The following KLHL1 variants were observed in gnomAD, a reference collection of about 807,000 sequenced individuals.
KLHL1 encodes the protein kelch like family member 1.
KLHL1 carries 47 observed loss-of-function variants against 77.7 expected under a neutral mutation model. The observed-to-expected ratio is 0.60, with a 90% CI of 0.48 to 0.77. The LOEUF (loss-of-function observed/expected upper bound fraction) is 0.77. KLHL1 is among the 30% of genes least tolerant of loss of function. The pLI, the probability that KLHL1 is intolerant of heterozygous loss-of-function variation, is 0.00. For synonymous variants in KLHL1, 360 were observed against 325.2 expected (o/e 1.11, Z -1.15); for missense variants, 925 against 910.8 (o/e 1.02, Z -0.20).
intron 5 of KLHL1, among the ~76,000 whole-genome samples, chr13:69,850,699 A>G (rs779087892): frequency 1.8e-4 from 28 of 151,668 alleles, no homozygotes; most frequent in Non-Finnish European, 4.0e-4. Context: ...GCGTCCTAAA[A>G]CATACACATT....
intron 1 of KLHL1, among the ~76,000 whole-genome samples, chr13:69,988,130 A>T (rs1450625267): frequency 6.6e-6 from 1 of 151,784 alleles, no homozygotes; most frequent in Non-Finnish European, 1.5e-5. Context: ...TACACCCTCA[A>T]GTTGGCCCCA....
chr13:69,742,297 ACTAT>A (rs1373849484), intron 7 of KLHL1, among the ~76,000 whole-genome samples: 1 of 152,190 alleles, frequency 6.6e-6, no homozygotes, highest in Admixed American at 6.6e-5. Context: ...GGAGACAAGA[ACTAT>A]CTCTCTGTTC....
chr13:70,019,643 T>A lies in KLHL1; in HGVS notation c.498-43841A>T, dbSNP rs188759037. Among the ~76,000 whole-genome samples the A allele has an allele frequency of 9.8e-4, 150 of 152,320 alleles. 1 individual carries two copies. Among genetic ancestry groups the A allele is most frequent in the African/African-American group, 3.5e-3 (147 of 41,580 alleles). ...ATTACTACCTCTATTTTACAAATGA[T>A]GAAATTGAGCAAAAGAAAGGTAAAT... On this transcript the variant is annotated intron_variant, in intron 1 of 10. Transcript: ENST00000377844.
intron 7 of KLHL1, among the ~76,000 whole-genome samples, chr13:69,787,215 C>T (rs1323139573): frequency 1.3e-5 from 2 of 151,984 alleles, no homozygotes; most frequent in African/African-American, 2.4e-5. Context: ...AATCCTAAGC[C>T]AAAAGAACAA....
intron 4 of KLHL1, among the ~76,000 whole-genome samples, chr13:69,902,905 T>TA (rs1881918704): frequency 6.6e-6 from 1 of 151,056 alleles, no homozygotes; most frequent in Non-Finnish European, 1.5e-5. Context: ...TAAAGTATAA[T>TA]AAAAAATAAA....
chr13:69,770,077 G>T (rs1001857302), intron 7 of KLHL1, among the ~76,000 whole-genome samples: 1 of 152,122 alleles, frequency 6.6e-6, no homozygotes, highest in Admixed American at 6.5e-5. Context: ...CAAACTTCTT[G>T]GGGGCTTAGA....
chr13:69,853,725 A>G (rs1566327581), intron 5 of KLHL1, among the ~76,000 whole-genome samples: 1 of 152,038 alleles, frequency 6.6e-6, no homozygotes, highest in Admixed American at 6.6e-5. Flanking sequence ...TGCCAGATAC[A>G]ATGTAACTCT....
At chr13:69,874,770 A>C (rs1219674351) in intron 5 of KLHL1, among the ~76,000 whole-genome samples, 1 of 152,084 alleles carries the variant, frequency 6.6e-6, no homozygotes, top group Non-Finnish European at 1.5e-5. Flanking sequence ...TTCCTCAAGA[A>C]ATAGAAGTTC....
At chr13:69,827,371 C>A (rs139030670) in intron 6 of KLHL1, among the ~76,000 whole-genome samples, 1,866 of 151,870 alleles carry the variant, frequency 0.012, 42 homozygotes, top group African/African-American at 0.042. Context: ...CAGTAAAATT[C>A]TAAATAAAAA....
At chr13:69,958,749 A>T (rs78350577) in intron 3 of KLHL1, among the ~76,000 whole-genome samples, 1 of 151,388 alleles carries the variant, frequency 6.6e-6, no homozygotes, top group African/African-American at 2.4e-5. Context: ...AAAAAAAAAA[A>T]ATACATATTA....
intron 5 of KLHL1, among the ~76,000 whole-genome samples, chr13:69,855,339 G>GAGAGATCT (rs769937076): frequency 1.3e-4 from 10 of 78,286 alleles, no homozygotes; most frequent in African/African-American, 8.2e-4. Flanking sequence ...TAGATAGATA[G>GAGAGATCT]ATAGATAGAC....
intron 1 of KLHL1, among the ~76,000 whole-genome samples, chr13:70,064,206 A>T (rs1280821616): frequency 2.6e-5 from 4 of 152,110 alleles, no homozygotes; most frequent in Admixed American, 1.3e-4. Context: ...AAACAAAAAA[A>T]CCTTGATATA....
At position 69,840,696 on chromosome 13, in the gene KLHL1, ATATATG is replaced by A. The variant is rs1342106404; in HGVS notation, c.1228-1540_1228-1535del. Among the ~76,000 whole-genome samples, 254 of 143,792 alleles carry A rather than the reference ATATATG, an allele frequency of 1.8e-3. 2 individuals are homozygous for A. Among genetic ancestry groups the A allele is most frequent in the Non-Finnish European group, 5.6e-4 (36 of 64,780 alleles). 94.3% of individuals were successfully genotyped at this position (143,792 alleles called of 152,430 possible). On this transcript the variant is annotated intron_variant, in intron 5 of 10. Coordinates refer to ENST00000377844, the MANE Select transcript of KLHL1 (RefSeq NM_020866.3). ...TTGAACATTAACTTTATATATATATATATATGTATGTATGTATGTATGTATGTATGT... is the reference window on the plus strand; with the variant it reads ...TTGAACATTAACTTTATATATATATATATGTATGTATGTATGTATGTATGT...
intron 2 of KLHL1, among the ~76,000 whole-genome samples, chr13:69,969,259 C>T (rs1224200516): frequency 6.6e-6 from 1 of 151,926 alleles, no homozygotes; most frequent in Non-Finnish European, 1.5e-5. Context: ...AATATTAATG[C>T]TGAGGATGGT....
intron 1 of KLHL1, among the ~76,000 whole-genome samples, chr13:70,040,853 C>T (rs898193893): frequency 6.6e-5 from 10 of 152,096 alleles, no homozygotes; most frequent in African/African-American, 2.2e-4. Context: ...ATTTATGGAA[C>T]CCCAAAGGCA....
At chr13:69,783,065 C>T (rs181037223) in intron 7 of KLHL1, among the ~76,000 whole-genome samples, 178 of 152,334 alleles carry the variant, frequency 1.2e-3, no homozygotes, top group Non-Finnish European at 1.1e-3. Context: ...CCCAGGCAAA[C>T]GGTCTGGAGT....
At chr13:70,071,800 AATCAAT>A in intron 1 of KLHL1, among the ~76,000 whole-genome samples, 1 of 152,218 alleles carries the variant, frequency 6.6e-6, no homozygotes, top group African/African-American at 2.4e-5. Flanking sequence ...AAATTTAACC[AATCAAT>A]ATATGTTCAA....
intron 1 of KLHL1, among the ~76,000 whole-genome samples, chr13:70,063,019 GC>G (rs1022784022): frequency 6.6e-5 from 10 of 151,624 alleles, no homozygotes; most frequent in Non-Finnish European, 1.3e-4. Flanking sequence ...TCACATCATA[GC>G]TGCCTCCATG....
At chr13:69,816,236 T>C (rs984467309) in intron 6 of KLHL1, among the ~76,000 whole-genome samples, 6 of 151,768 alleles carry the variant, frequency 4.0e-5, no homozygotes, top group Middle Eastern at 3.2e-3. Flanking sequence ...TAATATATAG[T>C]AAATTTAGAG....
Sources: gnomAD v4.1 joint callset for allele counts (sites outside exome capture counted in the v4.1 genomes callset) on GRCh38, gnomAD v4.1.1 for gene constraint, MANE v1.5 for transcripts, NCBI Gene and HGNC (gene_info 2026-07-23, HGNC 2026-07-21) for gene names.